RFTN2: variants seen among roughly 807,000 people sequenced by gnomAD.
RFTN2 encodes raftlin family member 2.
RFTN2 carries 34 observed loss-of-function variants against 52.7 expected under a neutral mutation model. The observed-to-expected ratio is 0.64, with a 90% CI of 0.49 to 0.86. RFTN2 has a LOEUF of 0.86. Ranked by LOEUF, RFTN2 falls within the 40% of genes least tolerant of loss-of-function variation. RFTN2 has a pLI of 0.00. For synonymous variants in RFTN2, 203 were observed against 217.7 expected, an observed-to-expected ratio of 0.93 and a Z score of 0.59; for missense variants, 536 against 600.1, an observed-to-expected ratio of 0.89 and a Z score of 1.12.
At chr2:197,621,911 T>C (rs2106219520) in intron 5 of RFTN2, among the ~76,000 whole-genome samples, 1 of 152,250 alleles carries the variant, frequency 6.6e-6, no homozygotes, top group Admixed American at 6.5e-5. Context: ...GTTAGCCAAA[T>C]TGTGAATGTA....
In RFTN2 at chr2:197,633,713, A is replaced by G; in HGVS notation, c.718+5T>C. 1 of 1,611,434 alleles carries G rather than the reference A, an allele frequency of 6.2e-7. No individual in the cohort carries two copies. The highest frequency in any genetic ancestry group is 8.5e-7 in the Non-Finnish European group (1 of 1,178,178). On this transcript the variant is annotated splice_donor_5th_base_variant and intron_variant, in intron 4 of 8. Transcript: ENST00000295049. Reference sequence around the variant, plus strand: ...TATTCTCTTTCTACTAATCTTGTCTATTACCTTCTCCCTTTCTTGATTTAG... The same window carrying G: ...TATTCTCTTTCTACTAATCTTGTCTGTTACCTTCTCCCTTTCTTGATTTAG...
At chr2:197,624,295 G>T (rs1574717505) in intron 5 of RFTN2, among the ~76,000 whole-genome samples, 1 of 152,050 alleles carries the variant, frequency 6.6e-6, no homozygotes, top group East Asian at 1.9e-4. Context: ...ATGCTAGAGA[G>T]AAATTTTGTG....
At chr2:197,580,616 C>G (rs1017662401) in intron 8 of RFTN2, among the ~76,000 whole-genome samples, 1 of 152,240 alleles carries the variant, frequency 6.6e-6, no homozygotes, top group African/African-American at 2.4e-5. Flanking sequence ...ACCTTGGAAG[C>G]CTCCTGGACC....
At position 197,584,374 on chromosome 2, in the gene RFTN2, C is replaced by T. The variant is rs186647765; in HGVS notation, c.1233+11617G>A. ...GTTTTGATCTGCATTTCTCTGATGGCCATTTTTTCATGTGTCTTTTGGCTG... is the reference window on the plus strand; with the variant it reads ...GTTTTGATCTGCATTTCTCTGATGGTCATTTTTTCATGTGTCTTTTGGCTG... On this transcript the variant is annotated intron_variant, in intron 8 of 8. Transcript: ENST00000295049. 1.1e-4 allele frequency among the ~76,000 whole-genome samples: 17 copies of T among 151,992 alleles called. No homozygotes were observed. The East Asian group carries it at 2.9e-3, about 26-fold the overall frequency.
chr2:197,657,964 C>G (rs1184950106), intron 1 of RFTN2, among the ~76,000 whole-genome samples: 1 of 152,028 alleles, frequency 6.6e-6, no homozygotes, highest in African/African-American at 2.4e-5. Context: ...AAACCTTCTT[C>G]AGTTTAGAGA....
chr2:197,580,042 A>G (rs1036275499), intron 8 of RFTN2, among the ~76,000 whole-genome samples: 2 of 152,126 alleles, frequency 1.3e-5, no homozygotes, highest in African/African-American at 2.4e-5. Context: ...ATCAAATTAA[A>G]AAACCCAGCC....
intron 5 of RFTN2, among the ~76,000 whole-genome samples, chr2:197,627,085 A>G (rs927738439): frequency 1.3e-5 from 2 of 152,114 alleles, no homozygotes; most frequent in Non-Finnish European, 1.5e-5. Context: ...TACCTCTTCC[A>G]TTGTGTCCAG....
intron 8 of RFTN2, among the ~76,000 whole-genome samples, chr2:197,574,306 C>G (rs1490520073): frequency 6.6e-6 from 1 of 152,194 alleles, no homozygotes; most frequent in Non-Finnish European, 1.5e-5. Flanking sequence ...TCAGTGTGAC[C>G]TGGATGTTAG....
chr2:197,574,310 A>T (rs1354073860), intron 8 of RFTN2, among the ~76,000 whole-genome samples: 1 of 152,190 alleles, frequency 6.6e-6, no homozygotes, highest in Non-Finnish European at 1.5e-5. Context: ...TGTGACCTGG[A>T]TGTTAGGGAG....
chr2:197,634,128 T>C (rs1440280299), intron 3 of RFTN2, 131 bp from the exon 4 acceptor site: 3 of 715,942 alleles, frequency 4.2e-6, no homozygotes, highest in African/African-American at 3.6e-5. Context: ...ACAAGACTCA[T>C]TCATAAACTA....
chr2:197,625,449 T>C (rs2088338247), intron 5 of RFTN2, among the ~76,000 whole-genome samples: 1 of 152,120 alleles, frequency 6.6e-6, no homozygotes, highest in Non-Finnish European at 1.5e-5. Context: ...TCATTTTTGG[T>C]ATTCAACTGC....
At chr2:197,593,450 A>C (rs746735945) in intron 8 of RFTN2, among the ~76,000 whole-genome samples, 26 of 152,222 alleles carry the variant, frequency 1.7e-4, no homozygotes, top group Non-Finnish European at 3.5e-4. Flanking sequence ...TCTAATATTA[A>C]GTAAAAGAGA....
rs189630546 is a variant in RFTN2 at position 197,605,405 on chromosome 2, C to T, written c.1155-9336G>A. 4.5e-3 allele frequency among the ~76,000 whole-genome samples: 690 copies of T among 152,078 alleles called. 4 individuals are homozygous for T. The highest frequency in any genetic ancestry group is 0.017 in the Middle Eastern group (5 of 294). ...TAATTTTTTGTATTTTTAGTAGAGA[C>T]GGGGTTTCACTGTGTTAGCCAGGAT... On this transcript the variant is annotated intron_variant, in intron 7 of 8. Transcript: ENST00000295049.
chr2:197,618,097 C>T, intron 5 of RFTN2, 176 bp from the exon 6 acceptor site: 1 of 327,444 alleles, frequency 3.1e-6, no homozygotes, highest in Non-Finnish European at 5.6e-6. Flanking sequence ...CCCACGGTCT[C>T]CCTCTCCCTC....
intron 7 of RFTN2, among the ~76,000 whole-genome samples, chr2:197,602,148 C>T (rs2087890295): frequency 6.6e-6 from 1 of 152,092 alleles, no homozygotes; most frequent in East Asian, 1.9e-4. Context: ...TCACCGCAAC[C>T]CCCACCTTGT....
At position 197,605,266 on chromosome 2, in the gene RFTN2, C is replaced by T. The variant is rs192963054; in HGVS notation, c.1155-9197G>A. ...CGGAGTCTGGCTCTGTCTTCCCAGGCTAGAGTGCACGCAATCTCGGCTCAC... is the reference window on the plus strand; with the variant it reads ...CGGAGTCTGGCTCTGTCTTCCCAGGTTAGAGTGCACGCAATCTCGGCTCAC... On this transcript the variant is annotated intron_variant, in intron 7 of 8. Transcript: ENST00000295049. Among the ~76,000 whole-genome samples the T allele has an allele frequency of 5.2e-4, 79 of 151,706 alleles. 4 individuals are homozygous for T. The East Asian group carries it at 0.015, about 28-fold the overall frequency.
At chr2:197,595,424 G>C (rs1332800450) in intron 8 of RFTN2, among the ~76,000 whole-genome samples, 1 of 152,166 alleles carries the variant, frequency 6.6e-6, no homozygotes, top group East Asian at 1.9e-4. Flanking sequence ...AAAACCCAAA[G>C]AGGCAGTTTG....
chr2:197,590,612 T>C (rs2087690205), intron 8 of RFTN2, among the ~76,000 whole-genome samples: 1 of 151,822 alleles, frequency 6.6e-6, no homozygotes, highest in South Asian at 2.1e-4. Flanking sequence ...TCACGGTGAG[T>C]GTTATGGTTC....
intron 8 of RFTN2, among the ~76,000 whole-genome samples, chr2:197,583,315 C>T (rs1042087279): frequency 6.6e-6 from 1 of 152,222 alleles, no homozygotes; most frequent in East Asian, 1.9e-4. Flanking sequence ...ACCTCTTGGT[C>T]TGGGTAGACA....
Sources: allele counts gnomAD v4.1 joint callset (sites outside exome capture counted in the v4.1 genomes callset), GRCh38; gene constraint gnomAD v4.1.1; transcripts MANE v1.5; gene names NCBI Gene and HGNC (gene_info 2026-07-23, HGNC 2026-07-21).